TBL1XR1: variants seen among roughly 807,000 people sequenced by gnomAD.
TBL1XR1 encodes F-box-like/WD repeat-containing protein TBL1XR1.
A neutral mutation model predicts 66.9 loss-of-function variants in TBL1XR1; 5 were observed. That is an observed-to-expected ratio of 0.07 (90% CI 0.04 to 0.16). TBL1XR1 has a LOEUF of 0.16. Among genes scored for constraint, TBL1XR1 ranks in the 10% least tolerant of loss-of-function variants. The pLI, the probability that TBL1XR1 is intolerant of heterozygous loss-of-function variation, is 1.00. For synonymous variants in TBL1XR1, 210 were observed against 206.0 expected (o/e 1.02, Z -0.17); for missense variants, 238 against 623.2 (o/e 0.38, Z 6.58).
chr3:177,094,283 T>C (rs1723187280), intron 2 of TBL1XR1, among the ~76,000 whole-genome samples: 2 of 152,172 alleles, frequency 1.3e-5, no homozygotes, highest in Admixed American at 1.3e-4. Context: ...GATGCCACCT[T>C]ACTCCTGCAA....
chr3:177,031,340 A>C (rs995675129), intron 14 of TBL1XR1, among the ~76,000 whole-genome samples: 1 of 145,288 alleles, frequency 6.9e-6, no homozygotes, highest in Non-Finnish European at 1.5e-5. Context: ...CTTAATTTTT[A>C]TTTTTTTTTT....
chr3:177,184,461 G>A (rs940350202), intron 1 of TBL1XR1, among the ~76,000 whole-genome samples: 2 of 152,134 alleles, frequency 1.3e-5, no homozygotes, highest in Non-Finnish European at 2.9e-5. Flanking sequence ...ACCTCCTAAA[G>A]TTTGCACTAA....
intron 1 of TBL1XR1, among the ~76,000 whole-genome samples, chr3:177,143,655 C>T (rs948104613): frequency 6.6e-6 from 1 of 152,118 alleles, no homozygotes; most frequent in Admixed American, 6.5e-5. Flanking sequence ...ATTATTGTAA[C>T]TACCATGTGA....
chr3:177,031,061 G>A (rs758151719), intron 14 of TBL1XR1, among the ~76,000 whole-genome samples: 15 of 152,276 alleles, frequency 9.9e-5, no homozygotes, highest in Admixed American at 5.2e-4. Flanking sequence ...GCAGTTAGCC[G>A]AGATCGTGCC....
At chr3:177,163,553 T>C (rs1421307665) in intron 1 of TBL1XR1, among the ~76,000 whole-genome samples, 1 of 151,224 alleles carries the variant, frequency 6.6e-6, no homozygotes, top group Non-Finnish European at 1.5e-5. Flanking sequence ...TGAGAAGATG[T>C]AAAATATATA....
At chr3:177,038,457 T>A (rs1191903442) in intron 10 of TBL1XR1, 23 bp from the exon 11 acceptor site, 2 of 1,491,646 alleles carry the variant, frequency 1.3e-6, no homozygotes. Context: ...AAAGGTTAGA[T>A]TTGCTTTTAT....
intron 10 of TBL1XR1, among the ~76,000 whole-genome samples, chr3:177,045,348 T>C (rs1308888931): frequency 6.6e-6 from 1 of 152,100 alleles, no homozygotes; most frequent in African/African-American, 2.4e-5. Context: ...TGTTCCAGTT[T>C]AACATCATTT....
intron 1 of TBL1XR1, among the ~76,000 whole-genome samples, chr3:177,149,097 G>A (rs1005038332): frequency 2.0e-4 from 31 of 152,224 alleles, no homozygotes; most frequent in African/African-American, 7.0e-4. Context: ...TTCTTGCTCA[G>A]TCCCAAGACG....
chr3:177,158,228 TC>T (rs376590622), intron 1 of TBL1XR1, among the ~76,000 whole-genome samples: 7 of 46,978 alleles, frequency 1.5e-4, no homozygotes, highest in East Asian at 3.5e-4. Flanking sequence ...TTGTTTCTTT[TC>T]TTTTTTTTTT....
At chr3:177,050,447 A>G (rs533927681) in intron 6 of TBL1XR1, 31 bp downstream of exon 6, 2 of 1,609,214 alleles carry the variant, frequency 1.2e-6, no homozygotes, top group South Asian at 1.1e-5. Context: ...GATATTTTTA[A>G]GTCATTTTAG....
At chr3:177,155,205 G>GA (rs1261238674) in intron 1 of TBL1XR1, among the ~76,000 whole-genome samples, 1 of 152,064 alleles carries the variant, frequency 6.6e-6, no homozygotes, top group East Asian at 1.9e-4. Context: ...ATTAAACAAA[G>GA]AAAGCGCTAA....
chr3:177,075,991 C>CA (rs1577090230), intron 2 of TBL1XR1, among the ~76,000 whole-genome samples: 2 of 152,218 alleles, frequency 1.3e-5, no homozygotes, highest in East Asian at 3.9e-4. Context: ...CAAAATACAA[C>CA]AAAAAATACC....
At chr3:177,126,215 T>C (rs1356025887) in intron 1 of TBL1XR1, 1 of 152,204 alleles carries the variant, frequency 6.6e-6, no homozygotes, top group African/African-American at 2.4e-5. Context: ...CCCACACCAC[T>C]TTCTGACTCA....
intron 2 of TBL1XR1, among the ~76,000 whole-genome samples, chr3:177,074,623 C>A (rs116329293): frequency 3.3e-4 from 51 of 152,244 alleles, no homozygotes; most frequent in Non-Finnish European, 6.2e-4. Context: ...ATCAACGGAG[C>A]CCACTGCCCT....
chr3:177,138,596 A>AC (rs1729267420), intron 1 of TBL1XR1, among the ~76,000 whole-genome samples: 1 of 130,608 alleles, frequency 7.7e-6, no homozygotes. Context: ...TGTCTGGGAG[A>AC]AAAAAAAAGG....
At chr3:177,127,936 G>A (rs934925770) in intron 1 of TBL1XR1, among the ~76,000 whole-genome samples, 14 of 152,004 alleles carry the variant, frequency 9.2e-5, no homozygotes, top group African/African-American at 2.9e-4. Flanking sequence ...ATTGTAAAAC[G>A]GGCCGGGCGC....
intron 10 of TBL1XR1, among the ~76,000 whole-genome samples, chr3:177,040,918 A>C (rs1394811032): frequency 2.0e-5 from 3 of 152,218 alleles, no homozygotes; most frequent in Non-Finnish European, 4.4e-5. Flanking sequence ...GGTTACATGA[A>C]ATTTCAAATA....
intron 2 of TBL1XR1, among the ~76,000 whole-genome samples, chr3:177,068,341 C>T (rs10513745): frequency 0.075 from 11,487 of 152,218 alleles, 519 homozygotes; most frequent in Admixed American, 0.14. Flanking sequence ...CAATCAACTA[C>T]TTAATTCAAA....
intron 1 of TBL1XR1, among the ~76,000 whole-genome samples, chr3:177,179,575 G>A (rs1486626286): frequency 6.6e-6 from 1 of 152,162 alleles, no homozygotes; most frequent in Non-Finnish European, 1.5e-5. Flanking sequence ...TTTCTCCCAG[G>A]AGTGAAGCTA....
Sources: gnomAD v4.1 joint callset for allele counts (sites outside exome capture counted in the v4.1 genomes callset) on GRCh38, gnomAD v4.1.1 for gene constraint, MANE v1.5 for transcripts, NCBI Gene and HGNC (gene_info 2026-07-23, HGNC 2026-07-21) for gene names.